The following PUDP variants were observed in gnomAD, a reference collection of about 807,000 sequenced individuals.
The protein encoded by PUDP is pseudouridine 5'-phosphatase.
A neutral mutation model predicts 9.4 loss-of-function variants in PUDP; 8 were observed. The ratio of observed to expected loss-of-function variants is 0.85; its 90% CI spans 0.50 to 1.53. The LOEUF is 1.53. PUDP is among the 40% of genes most tolerant of loss of function. The probability of loss-of-function intolerance (pLI) is 0.00; values close to 1 mark genes in which losing one functional copy is unlikely to be tolerated. For missense variants in PUDP, 188 were observed against 189.7 expected (o/e 0.99, Z 0.05); for synonymous variants, 99 against 80.7 (o/e 1.23, Z -1.22).
intron 1 of PUDP, among the ~76,000 whole-genome samples, chrX:7,014,969 T>C (rs759706278): frequency 8.9e-6 from 1 of 111,828 alleles, no homozygotes; most frequent in South Asian, 3.8e-4. Context: ...TTTGGATAAC[T>C]TTTACTCACT....
intron 1 of PUDP, among the ~76,000 whole-genome samples, chrX:6,710,762 A>G (rs1924522393): frequency 1.8e-5 from 2 of 111,965 alleles, no homozygotes; most frequent in Admixed American, 1.9e-4. Context: ...CTGTGTGCCA[A>G]AGGTCTGGGG....
chrX:6,729,543 TCCGGGG>T (rs761703178), intron 3 of PUDP, among the ~76,000 whole-genome samples: 38 of 112,088 alleles, frequency 3.4e-4, no homozygotes, highest in African/African-American at 1.2e-3. Context: ...GTCTCAAATA[TCCGGGG>T]TTCACATTTT....
intron 1 of PUDP, among the ~76,000 whole-genome samples, chrX:7,039,953 C>A (rs1480182236): frequency 8.9e-6 from 1 of 112,135 alleles, no homozygotes; most frequent in Non-Finnish European, 1.9e-5. Flanking sequence ...CAGGCCATAA[C>A]ATGGTTGGGT....
At chrX:7,064,045 C>A (rs761954398) in intron 3 of PUDP, among the ~76,000 whole-genome samples, 3 of 112,115 alleles carry the variant, frequency 2.7e-5, no homozygotes, top group Non-Finnish European at 5.6e-5. Context: ...CGTAATTCAT[C>A]CTATAATCAT....
chrX:6,791,574 T>C (rs1174175139), intron 3 of PUDP, among the ~76,000 whole-genome samples: 1 of 110,614 alleles, frequency 9.0e-6, no homozygotes, highest in Non-Finnish European at 1.9e-5. Flanking sequence ...GGGAGAGGAA[T>C]TGAGGGTGGG....
intron 3 of PUDP, among the ~76,000 whole-genome samples, chrX:6,900,575 G>GGGAAAGAGAGAGGGAT (rs1927666584): frequency 9.6e-6 from 1 of 103,935 alleles, no homozygotes; most frequent in Non-Finnish European, 2.0e-5. Flanking sequence ...GAGAGAGGGA[G>GGGAAAGAGAGAGGGAT]ACGGAGAGGG....
At chrX:6,963,836 G>A (rs1228135477) in intron 3 of PUDP, among the ~76,000 whole-genome samples, 1 of 112,125 alleles carries the variant, frequency 8.9e-6, no homozygotes, top group Non-Finnish European at 1.9e-5. Flanking sequence ...AATCCCTCAT[G>A]CCCAACATTT....
chrX:6,899,679 T>C (rs1357783410), intron 3 of PUDP, among the ~76,000 whole-genome samples: 2 of 71,384 alleles, frequency 2.8e-5, no homozygotes, highest in African/African-American at 4.8e-5. Flanking sequence ...ATAGAGATGA[T>C]GATGATGATG....
At chrX:6,882,028 T>C (rs1927354638) in intron 3 of PUDP, among the ~76,000 whole-genome samples, 1 of 103,476 alleles carries the variant, frequency 9.7e-6, no homozygotes, top group South Asian at 4.8e-4. Flanking sequence ...GACTGGAGTC[T>C]AGTGGCACGA....
At chrX:6,789,669 T>A (rs767086041) in intron 3 of PUDP, among the ~76,000 whole-genome samples, 8 of 110,072 alleles carry the variant, frequency 7.3e-5, no homozygotes, top group Non-Finnish European at 1.5e-4. Flanking sequence ...TGAGCATCGA[T>A]TGGATATAGG....
At chrX:7,040,127 A>G (rs1929902368) in intron 1 of PUDP, among the ~76,000 whole-genome samples, 1 of 112,144 alleles carries the variant, frequency 8.9e-6, no homozygotes, top group Non-Finnish European at 1.9e-5. Context: ...AGCATGGAAG[A>G]ACTCTCCCAG....
chrX:7,131,924 C>A (rs1353676500), intron 1 of PUDP, among the ~76,000 whole-genome samples: 1 of 109,647 alleles, frequency 9.1e-6, no homozygotes, highest in Non-Finnish European at 1.9e-5. Context: ...CTCAGTGACT[C>A]CCCAACCCTT....
intron 1 of PUDP, among the ~76,000 whole-genome samples, chrX:7,029,745 C>T (rs1415251030): frequency 8.9e-6 from 1 of 111,869 alleles, no homozygotes; most frequent in African/African-American, 3.3e-5. Flanking sequence ...CAATAGCCTT[C>T]ATTTAGATTC....
At chrX:6,893,796 C>T (rs746039205) in intron 3 of PUDP, among the ~76,000 whole-genome samples, 1 of 111,758 alleles carries the variant, frequency 8.9e-6, no homozygotes, top group South Asian at 3.8e-4. Context: ...GATACATGCA[C>T]ATGTATGTTC....
intron 3 of PUDP, among the ~76,000 whole-genome samples, chrX:7,074,847 A>C (rs190561667): frequency 5.3e-5 from 6 of 112,520 alleles, no homozygotes; most frequent in African/African-American, 1.9e-4. Context: ...GAGCTGTTCC[A>C]GCCGCACCTG....
chrX:6,949,736 A>G (rs1023327919), intron 3 of PUDP, among the ~76,000 whole-genome samples: 2 of 112,249 alleles, frequency 1.8e-5, no homozygotes, highest in Admixed American at 1.9e-4. Context: ...TTTTAACACA[A>G]CACACATGTA....
intron 1 of PUDP, among the ~76,000 whole-genome samples, chrX:7,038,856 C>T (rs1929885678): frequency 1.8e-5 from 2 of 111,983 alleles, no homozygotes; most frequent in South Asian, 7.5e-4. Flanking sequence ...ATCGTTCTTT[C>T]CTCGGATTGT....
chrX:6,785,037 GA>G (rs1233802386), intron 3 of PUDP, among the ~76,000 whole-genome samples: 1 of 112,384 alleles, frequency 8.9e-6, no homozygotes, highest in Non-Finnish European at 1.9e-5. Flanking sequence ...GCCCTAACCA[GA>G]ACCCTGAATC....
intron 3 of PUDP, among the ~76,000 whole-genome samples, chrX:6,941,845 G>A (rs1928404249): frequency 8.9e-6 from 1 of 111,914 alleles, no homozygotes; most frequent in Non-Finnish European, 1.9e-5. Context: ...CTGCTTTTCT[G>A]TGTGTATGAG....
Sources: gnomAD v4.1 joint callset for allele counts (sites outside exome capture counted in the v4.1 genomes callset) on GRCh38, gnomAD v4.1.1 for gene constraint, MANE v1.5 for transcripts, NCBI Gene and HGNC (gene_info 2026-07-23, HGNC 2026-07-21) for gene names.